The following NRXN3 variants were observed in gnomAD, a reference collection of about 807,000 sequenced individuals.
The protein encoded by NRXN3 is neurexin III.
A neutral mutation model predicts 137.6 loss-of-function variants in NRXN3; 32 were observed. That is an observed-to-expected ratio of 0.23 (90% CI 0.18 to 0.31). NRXN3 has a LOEUF of 0.31. Ranked by LOEUF, NRXN3 falls within the 10% of genes least tolerant of loss-of-function variation. The pLI is 1.00. For synonymous variants in NRXN3, 798 were observed against 784.5 expected (o/e 1.02, Z -0.29); for missense variants, 1,574 against 2,062.5 (o/e 0.76, Z 4.59).
chr14:79,720,492 A>G (rs962159467), intron 19 of NRXN3, among the ~76,000 whole-genome samples: 1 of 152,098 alleles, frequency 6.6e-6, no homozygotes, highest in African/African-American at 2.4e-5. Context: ...TATGCACAGC[A>G]GAGAGTTTAA....
chr14:78,746,375 C>A (rs1335500828), intron 8 of NRXN3, among the ~76,000 whole-genome samples: 2 of 152,142 alleles, frequency 1.3e-5, no homozygotes, highest in African/African-American at 4.8e-5. Flanking sequence ...TGCTTTTTCA[C>A]AAAAGCATAC....
intron 15 of NRXN3, among the ~76,000 whole-genome samples, chr14:79,195,232 A>G (rs968043139): frequency 1.3e-5 from 2 of 152,170 alleles, no homozygotes; most frequent in Admixed American, 6.5e-5. Context: ...CCAGGCATCA[A>G]GGGGTGGACT....
intron 6 of NRXN3, among the ~76,000 whole-genome samples, chr14:78,683,490 C>T (rs1360872687): frequency 6.6e-6 from 1 of 152,158 alleles, no homozygotes; most frequent in Admixed American, 6.5e-5. Flanking sequence ...GAAAAACACA[C>T]TGAACCATCC....
At chr14:79,066,202 CAT>C (rs1346873933) in intron 15 of NRXN3, among the ~76,000 whole-genome samples, 1 of 152,158 alleles carries the variant, frequency 6.6e-6, no homozygotes, top group Non-Finnish European at 1.5e-5. Flanking sequence ...CAGTTTTCTG[CAT>C]ATGGCTAGCT....
chr14:78,518,818 A>G (rs544944477), intron 4 of NRXN3, among the ~76,000 whole-genome samples: 53 of 152,276 alleles, frequency 3.5e-4, no homozygotes, highest in Admixed American at 9.8e-4. Context: ...ACACCAAAGC[A>G]TACCCCAGAA....
chr14:78,381,477 G>A (rs552358182), intron 4 of NRXN3, among the ~76,000 whole-genome samples: 8 of 152,290 alleles, frequency 5.3e-5, no homozygotes, highest in Non-Finnish European at 1.0e-4. Flanking sequence ...GATTGCTGGT[G>A]ATATGTGAAA....
At chr14:78,499,806 C>T (rs1599526123) in intron 4 of NRXN3, among the ~76,000 whole-genome samples, 1 of 152,110 alleles carries the variant, frequency 6.6e-6, no homozygotes, top group South Asian at 2.1e-4. Flanking sequence ...CTAGAGGCTG[C>T]CCTCAGTTTC....
Position 78,405,613 on chromosome 14 carries a change from C to CG in NRXN3, c.757+107760dup, listed in dbSNP as rs3037826. Reference sequence around the variant, plus strand: ...TTTAGAGTGGATGCTGGGGAAGGGGCGGGGGGGTTCCGGGTATCTGATGAA... The same window carrying CG: ...TTTAGAGTGGATGCTGGGGAAGGGGCGGGGGGGGTTCCGGGTATCTGATGAA... On this transcript the variant is annotated intron_variant, in intron 4 of 20. Coordinates refer to ENST00000335750, the MANE Select transcript of NRXN3 (RefSeq NM_001330195.2). Among the ~76,000 whole-genome samples the CG allele has an allele frequency of 9.7e-3, 1,253 of 128,860 alleles. 55 individuals are homozygous for CG. The highest frequency in any genetic ancestry group is 0.088 in the East Asian group (367 of 4,164). The allele number at this position is 128,860 out of a possible 152,430, so 84.5% of individuals were successfully genotyped here. A position where few individuals can be genotyped will look rare whatever the true frequency, so the allele number is the denominator to read the frequency against.
chr14:79,798,249 T>C (rs2099166917), intron 19 of NRXN3, among the ~76,000 whole-genome samples: 1 of 152,188 alleles, frequency 6.6e-6, no homozygotes, highest in South Asian at 2.1e-4. Context: ...TTAAAGGTTA[T>C]AGGTTTACTT....
In NRXN3 at chr14:78,943,622, ATATATATATATATAT is replaced by A. The variant is rs1175348838; in HGVS notation, c.2276-13619_2276-13605del. ...GCAAGATCACTGTTAAAAAAAAAAAATATATATATATATATATATATATATATATATATATATATA... is the reference window on the plus strand; with the variant it reads ...GCAAGATCACTGTTAAAAAAAAAAAAATATATATATATATATATATATATA... On this transcript the variant is annotated intron_variant, in intron 10 of 20. Coordinates refer to ENST00000335750, the MANE Select transcript of NRXN3 (RefSeq NM_001330195.2). 6.6e-3 allele frequency among the ~76,000 whole-genome samples: 161 copies of A among 24,280 alleles called. 18 individuals are homozygous for A. The highest frequency in any genetic ancestry group is 0.012 in the African/African-American group (107 of 8,666). 15.9% of individuals were successfully genotyped at this position (24,280 alleles called of 152,430 possible).
chr14:79,837,892 C>G (rs2099347609), intron 20 of NRXN3, among the ~76,000 whole-genome samples: 1 of 152,118 alleles, frequency 6.6e-6, no homozygotes, highest in African/African-American at 2.4e-5. Context: ...TTAGCCAGTT[C>G]CACAGGGCAT....
intron 4 of NRXN3, among the ~76,000 whole-genome samples, chr14:78,388,378 T>C (rs1326114762): frequency 1.3e-5 from 2 of 152,144 alleles, no homozygotes; most frequent in African/African-American, 4.8e-5. Context: ...GTAACCAACA[T>C]TGAACTACTG....
At chr14:79,753,851 A>G (rs899353650) in intron 19 of NRXN3, among the ~76,000 whole-genome samples, 2 of 152,054 alleles carry the variant, frequency 1.3e-5, no homozygotes, top group African/African-American at 4.8e-5. Context: ...CAGGTTCCCC[A>G]TCCACAGATT....
intron 20 of NRXN3, among the ~76,000 whole-genome samples, chr14:79,858,752 G>T (rs1428527374): frequency 1.3e-5 from 2 of 152,040 alleles, no homozygotes; most frequent in East Asian, 3.9e-4. Context: ...TCTCATCACT[G>T]CTCTCCTATT....
chr14:78,438,748 T>C (rs2094149829), intron 4 of NRXN3, among the ~76,000 whole-genome samples: 1 of 151,886 alleles, frequency 6.6e-6, no homozygotes, highest in Non-Finnish European at 1.5e-5. Context: ...GAACAGGAGC[T>C]AGTGAAAGAG....
chr14:79,536,894 G>C (rs570918325), intron 16 of NRXN3, among the ~76,000 whole-genome samples: 32 of 152,164 alleles, frequency 2.1e-4, no homozygotes, highest in African/African-American at 7.5e-4. Context: ...TGTCTTTGCT[G>C]TTGTGAATAG....
At chr14:79,128,660 G>C (rs1275105786) in intron 15 of NRXN3, among the ~76,000 whole-genome samples, 5 of 152,000 alleles carry the variant, frequency 3.3e-5, no homozygotes, top group African/African-American at 4.8e-5. Flanking sequence ...TGTCTCTGCT[G>C]GGCTTTGGTA....
intron 15 of NRXN3, among the ~76,000 whole-genome samples, chr14:79,116,797 AT>A (rs2054523586): frequency 6.6e-6 from 1 of 152,222 alleles, no homozygotes; most frequent in African/African-American, 2.4e-5. Context: ...TCTTGATAAT[AT>A]TTTATTAAGA....
chr14:78,729,434 G>T (rs2098503725), intron 8 of NRXN3, among the ~76,000 whole-genome samples: 1 of 152,110 alleles, frequency 6.6e-6, no homozygotes, highest in Admixed American at 6.6e-5. Context: ...GACTTTCCAA[G>T]GGGCAAACAT....
Sources: allele counts gnomAD v4.1 joint callset (sites outside exome capture counted in the v4.1 genomes callset), GRCh38; gene constraint gnomAD v4.1.1; transcripts MANE v1.5; gene names NCBI Gene and HGNC (gene_info 2026-07-23, HGNC 2026-07-21).